DZANK1: variants seen among roughly 807,000 people sequenced by gnomAD.
DZANK1 encodes the protein double zinc ribbon and ankyrin repeat domains 1, also known as double zinc ribbon and ankyrin repeat-containing protein 1.
Under a neutral mutation model 94.5 loss-of-function variants are expected in DZANK1, and 91 were observed. The observed-to-expected ratio is 0.96, with a 90% CI of 0.81 to 1.15. The LOEUF (loss-of-function observed/expected upper bound fraction) is 1.15, where lower values mean the gene tolerates loss of function less well. DZANK1 is among the 50% of genes most tolerant of loss of function. The pLI is 0.00. For synonymous variants in DZANK1, 312 were observed against 325.3 expected, an observed-to-expected ratio of 0.96 and a Z score of 0.44; for missense variants, 903 against 916.4, an observed-to-expected ratio of 0.99 and a Z score of 0.19.
intron 13 of DZANK1, among the ~76,000 whole-genome samples, chr20:18,400,298 C>T (rs2056600308): frequency 6.6e-6 from 1 of 152,148 alleles, no homozygotes; most frequent in African/African-American, 2.4e-5. Flanking sequence ...CTAGTTAATA[C>T]CCTGGGCAAC....
At position 18,394,263 on chromosome 20, in the gene DZANK1, A is replaced by G. The variant is rs200197129; in HGVS notation, c.1699T>C (p.Ser567Pro). The stretch of plus-strand genomic sequence containing the variant: ...GAAGGGAATAACTCACCCCAGCTGG[A>G]CCTGCTGCCGCACAGCCCCCCATCA... The change falls in exon 16 of 21, where the codon TCC becomes CCC. Residue 567 changes from serine to proline, a missense_variant. Physicochemically the swap from Ser to Pro is moderately conservative, Grantham distance 74. Transcript: ENST00000262547. The G allele has an allele frequency of 2.8e-3, 4,543 of 1,613,398 alleles. 24 individuals are homozygous for G. The highest frequency in any genetic ancestry group is 3.1e-3 in the Non-Finnish European group (3,625 of 1,179,664).
chr20:18,416,612 A>T (rs1444005190), intron 10 of DZANK1, among the ~76,000 whole-genome samples: 5 of 152,116 alleles, frequency 3.3e-5, no homozygotes, highest in Admixed American at 2.0e-4. Flanking sequence ...AAAGACACAC[A>T]TTTTAGTTCA....
chr20:18,462,212 T>G (rs945017386), intron 2 of DZANK1, among the ~76,000 whole-genome samples: 1 of 151,968 alleles, frequency 6.6e-6, no homozygotes, highest in Admixed American at 6.6e-5. Flanking sequence ...TAGGGGCTCC[T>G]TGCATATCCC....
intron 3 of DZANK1, among the ~76,000 whole-genome samples, chr20:18,459,199 G>A (rs914224522): frequency 4.6e-5 from 7 of 152,352 alleles, no homozygotes; most frequent in Middle Eastern, 6.8e-3. Context: ...TACCTTGATA[G>A]AAGTGGCCTG....
intron 7 of DZANK1, among the ~76,000 whole-genome samples, chr20:18,443,920 C>T (rs1003271042): frequency 4.6e-5 from 7 of 152,150 alleles, no homozygotes; most frequent in African/African-American, 1.7e-4. Flanking sequence ...TCTCTTTGCC[C>T]ACCTTTGCTT....
intron 9 of DZANK1, among the ~76,000 whole-genome samples, chr20:18,430,211 C>T (rs2058227734): frequency 6.6e-6 from 1 of 152,132 alleles, no homozygotes; most frequent in African/African-American, 2.4e-5. Flanking sequence ...TCAAAACTGA[C>T]TAAGATAAAG....
chr20:18,422,606 A>G (rs1282196534), intron 10 of DZANK1, among the ~76,000 whole-genome samples: 1 of 152,214 alleles, frequency 6.6e-6, no homozygotes, highest in Non-Finnish European at 1.5e-5. Flanking sequence ...TATAACGTGT[A>G]TAAGAAACAT....
At chr20:18,397,883 T>C (rs942556698) in intron 14 of DZANK1, among the ~76,000 whole-genome samples, 1 of 151,842 alleles carries the variant, frequency 6.6e-6, no homozygotes, top group Non-Finnish European at 1.5e-5. Context: ...TGGAGGTGAG[T>C]GTGCCAAGCA....
At chr20:18,418,696 T>C (rs1419932355) in intron 10 of DZANK1, among the ~76,000 whole-genome samples, 2 of 152,196 alleles carry the variant, frequency 1.3e-5, no homozygotes, top group Non-Finnish European at 2.9e-5. Flanking sequence ...CACACAAAAT[T>C]GATCCTAAGA....
chr20:18,466,568 T>TTAAGTGAAAGGCA (rs2059662851), intron 1 of DZANK1, among the ~76,000 whole-genome samples: 1 of 152,192 alleles, frequency 6.6e-6, no homozygotes, highest in Non-Finnish European at 1.5e-5. Context: ...GCATTTCCAT[T>TTAAGTGAAAGGCA]TAAGTGAAAG....
In DZANK1 at chr20:18,450,439, C is replaced by T. The variant is rs560783523; in HGVS notation, c.544-1370G>A. Among the ~76,000 whole-genome samples, 12 of 152,300 alleles carry T rather than the reference C, an allele frequency of 7.9e-5. No homozygotes were observed. The South Asian group carries it at 2.5e-3, about 32-fold the overall frequency. ...ATAACATGACCTAGACCAGAAGTCT[C>T]AAAGTGGTGGTCTATTAGGCAAATC... On this transcript the variant is annotated intron_variant, in intron 6 of 20. Transcript: ENST00000262547.
chr20:18,433,541 CAA>C (rs112253557), intron 9 of DZANK1, 109 bp downstream of exon 9: 3,966 of 752,170 alleles, frequency 5.3e-3, no homozygotes, highest in Middle Eastern at 5.7e-3. Flanking sequence ...GATTCTGTCT[CAA>C]AAAAAAAAAA....
At chr20:18,426,866 T>A (rs1409071587) in intron 10 of DZANK1, among the ~76,000 whole-genome samples, 1 of 152,208 alleles carries the variant, frequency 6.6e-6, no homozygotes, top group Non-Finnish European at 1.5e-5. Context: ...TTTTACTGAA[T>A]CCTCTTGAAG....
intron 11 of DZANK1, among the ~76,000 whole-genome samples, chr20:18,415,038 G>C (rs1047601719): frequency 6.6e-6 from 1 of 152,138 alleles, no homozygotes; most frequent in African/African-American, 2.4e-5. Context: ...ACATAGTCTT[G>C]AGTGTTTTAT....
chr20:18,459,257 A>C (rs1209933726), intron 3 of DZANK1, among the ~76,000 whole-genome samples: 1 of 152,218 alleles, frequency 6.6e-6, no homozygotes, highest in Non-Finnish European at 1.5e-5. Flanking sequence ...CATATACTCC[A>C]TTTGCAGCAC....
At chr20:18,439,474 C>T (rs2058651019) in intron 8 of DZANK1, among the ~76,000 whole-genome samples, 1 of 152,212 alleles carries the variant, frequency 6.6e-6, no homozygotes, top group Admixed American at 6.5e-5. Context: ...CCAGGCGATA[C>T]ACTAGAAGGC....
intron 13 of DZANK1, among the ~76,000 whole-genome samples, chr20:18,399,357 G>A (rs1443190206): frequency 2.6e-5 from 4 of 151,874 alleles, no homozygotes; most frequent in East Asian, 1.9e-4. Context: ...AGCCACCCAC[G>A]TAGCTGGAAA....
intron 3 of DZANK1, among the ~76,000 whole-genome samples, chr20:18,459,156 T>C (rs1480216090): frequency 6.6e-6 from 1 of 152,222 alleles, no homozygotes; most frequent in East Asian, 1.9e-4. Flanking sequence ...ACCAGAGTAT[T>C]GAGGTTCTTA....
intron 2 of DZANK1, among the ~76,000 whole-genome samples, chr20:18,464,986 A>G (rs983386319): frequency 1.3e-5 from 2 of 152,166 alleles, no homozygotes; most frequent in Non-Finnish European, 2.9e-5. Context: ...GCACCGGGAC[A>G]TCTTACCTTG....
Sources: allele counts gnomAD v4.1 joint callset (sites outside exome capture counted in the v4.1 genomes callset), GRCh38; gene constraint gnomAD v4.1.1; transcripts MANE v1.5; gene names NCBI Gene and HGNC (gene_info 2026-07-23, HGNC 2026-07-21).